Variants in GRIP1 observed in about 807,000 individuals in gnomAD.
GRIP1 encodes the protein glutamate receptor-interacting protein 1.
A neutral mutation model predicts 129.9 loss-of-function variants in GRIP1; 45 were observed. The observed-to-expected ratio is 0.35, with a 90% CI of 0.27 to 0.44. The LOEUF is 0.44. GRIP1 is among the 20% of genes least tolerant of loss of function. GRIP1 has a pLI of 1.00. For synonymous variants in GRIP1, 530 were observed against 520.8 expected, an observed-to-expected ratio of 1.02 and a Z score of -0.24; for missense variants, 1,196 against 1,396.8, an observed-to-expected ratio of 0.86 and a Z score of 2.29.
chr12:66,534,291 G>T (rs1399782041), intron 4 of GRIP1, among the ~76,000 whole-genome samples: 1 of 152,130 alleles, frequency 6.6e-6, no homozygotes, highest in Non-Finnish European at 1.5e-5. Context: ...ACCAAGTCAC[G>T]ATAGGTTTTA....
chr12:66,766,637 A>G (rs1313798995), intron 1 of GRIP1, among the ~76,000 whole-genome samples: 1 of 151,904 alleles, frequency 6.6e-6, no homozygotes, highest in Non-Finnish European at 1.5e-5. Context: ...AGAGCGCTGC[A>G]TGGGTGGCCT....
chr12:66,736,248 T>C (rs1044156319), intron 1 of GRIP1, among the ~76,000 whole-genome samples: 2 of 150,918 alleles, frequency 1.3e-5, no homozygotes, highest in African/African-American at 4.9e-5. Context: ...ACACCAATCA[T>C]AGCTCACTGT....
chr12:67,057,668 T>C (rs903180845), intron 1 of GRIP1, among the ~76,000 whole-genome samples: 21 of 152,152 alleles, frequency 1.4e-4, no homozygotes, highest in Non-Finnish European at 2.5e-4. Context: ...GGCTACCCTT[T>C]GGTGGCAAGT....
At chr12:66,523,627 A>T (rs1377160913) in intron 5 of GRIP1, among the ~76,000 whole-genome samples, 1 of 152,094 alleles carries the variant, frequency 6.6e-6, no homozygotes, top group Admixed American at 6.5e-5. Context: ...TCAACTAACG[A>T]GCAAAATCAC....
chr12:66,594,793 G>T (rs530386966), intron 2 of GRIP1, among the ~76,000 whole-genome samples: 2 of 152,302 alleles, frequency 1.3e-5, no homozygotes, highest in African/African-American at 4.8e-5. Flanking sequence ...GATTGCTCAA[G>T]ACTTCTGGAT....
chr12:66,351,555 G>GTTTTTTTTTTTTTTTTTTTTTT lies in GRIP1; in HGVS notation c.3159+1861_3159+1862insAAAAAAAAAAAAAAAAAAAAAA, dbSNP rs1565655525. Among the ~76,000 whole-genome samples, 2 of 143,520 alleles carry GTTTTTTTTTTTTTTTTTTTTTT rather than the reference G, an allele frequency of 1.4e-5. 1 individual carries two copies. The highest frequency in any genetic ancestry group is 5.3e-5 in the African/African-American group (2 of 37,460). 94.2% of individuals were successfully genotyped at this position (143,520 alleles called of 152,430 possible). A position where few individuals can be genotyped will look rare whatever the true frequency, so the allele number is the denominator to read the frequency against. On this transcript the variant is annotated intron_variant, in intron 24 of 24. Coordinates refer to ENST00000359742, the MANE Select transcript of GRIP1 (RefSeq NM_001366722.1). Reference sequence around the variant, plus strand: ...AGTATATGCAGGGAAACAGGAAGGTGGTTTTTTTTTTTTTTTTTTTGGAAA... The same window carrying GTTTTTTTTTTTTTTTTTTTTTT: ...AGTATATGCAGGGAAACAGGAAGGTGTTTTTTTTTTTTTTTTTTTTTTGTTTTTTTTTTTTTTTTTTTGGAAA...
intron 1 of GRIP1, among the ~76,000 whole-genome samples, chr12:66,747,542 T>C (rs900708918): frequency 1.1e-4 from 17 of 152,046 alleles, no homozygotes; most frequent in African/African-American, 3.6e-4. Flanking sequence ...ATAAAATGGA[T>C]TAAAAAGGAA....
intron 1 of GRIP1, among the ~76,000 whole-genome samples, chr12:66,889,970 C>T (rs534283263): frequency 6.6e-6 from 1 of 151,916 alleles, no homozygotes; most frequent in South Asian, 2.1e-4. Context: ...CACTTTGTCA[C>T]CCAGGATGGA....
chr12:66,594,704 T>C (rs2063979850), intron 2 of GRIP1, among the ~76,000 whole-genome samples: 1 of 152,176 alleles, frequency 6.6e-6, no homozygotes, highest in African/African-American at 2.4e-5. Context: ...ATAAAGAGGA[T>C]ACATTTACTT....
chr12:67,069,323 CGGCGGCGGCCG>C (rs1284755856), upstream of GRIP1, among the ~76,000 whole-genome samples: 10 of 139,952 alleles, frequency 7.1e-5, no homozygotes, highest in East Asian at 1.1e-3. Context: ...GCGGCGGCGG[CGGCGGCGGCCG>C]GGCCGGGCCG....
At chr12:66,633,685 T>C (rs2031071302) in intron 1 of GRIP1, among the ~76,000 whole-genome samples, 1 of 152,176 alleles carries the variant, frequency 6.6e-6, no homozygotes, top group Non-Finnish European at 1.5e-5. Flanking sequence ...CCAGATTTCT[T>C]TAACTATAAG....
chr12:66,703,549 G>C (rs2035421377), intron 1 of GRIP1, among the ~76,000 whole-genome samples: 2 of 152,010 alleles, frequency 1.3e-5, no homozygotes, highest in Admixed American at 1.3e-4. Flanking sequence ...TGGAAAGAAA[G>C]TAGAGATCCA....
chr12:66,746,884 A>T (rs2036965014), intron 1 of GRIP1, among the ~76,000 whole-genome samples: 1 of 152,222 alleles, frequency 6.6e-6, no homozygotes, highest in Admixed American at 6.5e-5. Context: ...GCTTCCAGGT[A>T]TCTATTGTCC....
chr12:66,831,360 G>T (rs185771246), intron 1 of GRIP1, among the ~76,000 whole-genome samples: 1 of 152,044 alleles, frequency 6.6e-6, no homozygotes, highest in Admixed American at 6.6e-5. Context: ...TATTTTTATG[G>T]ACTTAGAGAT....
chr12:66,418,178 T>C (rs752789456), intron 15 of GRIP1, among the ~76,000 whole-genome samples: 2 of 151,966 alleles, frequency 1.3e-5, no homozygotes, highest in South Asian at 2.1e-4. Context: ...CCTAGAAACA[T>C]ACATTGGGGA....
intron 1 of GRIP1, among the ~76,000 whole-genome samples, chr12:66,998,680 T>C (rs947221741): frequency 4.6e-5 from 7 of 152,120 alleles, no homozygotes; most frequent in African/African-American, 1.7e-4. Flanking sequence ...AGGACAGGAA[T>C]CTATCTGCAT....
intron 1 of GRIP1, among the ~76,000 whole-genome samples, chr12:66,763,194 G>A (rs2037526469): frequency 6.6e-6 from 1 of 152,126 alleles, no homozygotes; most frequent in African/African-American, 2.4e-5. Context: ...TGGTGCATTT[G>A]TTTTCCTTTG....
rs1167281533 is a variant in GRIP1, at chr12:66,381,268, T to G, written c.2465-1832A>C. ...TCTCATTCTCTTTTTCCTAGATAAC[T>G]GCAAAAGTGTGGTTAGCCATCTGGG... is the stretch of plus-strand genomic sequence containing the variant. On this transcript the variant is annotated intron_variant, in intron 19 of 24. Transcript: ENST00000359742. Among the ~76,000 whole-genome samples the G allele has an allele frequency of 7.9e-5, 12 of 152,218 alleles. No individual in the cohort carries two copies. The East Asian group carries it at 2.3e-3, about 29-fold the overall frequency.
chr12:66,358,471 G>A (rs982839636), intron 23 of GRIP1, among the ~76,000 whole-genome samples: 4 of 151,990 alleles, frequency 2.6e-5, no homozygotes, highest in African/African-American at 9.7e-5. Context: ...TTTTGAGACA[G>A]GGTCTCACTC....
Sources: allele counts gnomAD v4.1 joint callset (sites outside exome capture counted in the v4.1 genomes callset), GRCh38; gene constraint gnomAD v4.1.1; transcripts MANE v1.5; gene names NCBI Gene and HGNC (gene_info 2026-07-23, HGNC 2026-07-21).